The following ARNT2 variants were observed in gnomAD, a reference collection of about 807,000 sequenced individuals.
The protein encoded by ARNT2 is ARNT protein 2.
A neutral mutation model predicts 91.7 loss-of-function variants in ARNT2; 36 were observed. The ratio of observed to expected loss-of-function variants is 0.39; its 90% confidence interval spans 0.30 to 0.52. The LOEUF is 0.52. ARNT2 is among the 20% of genes least tolerant of loss of function. ARNT2 has a pLI of 0.72. For synonymous variants in ARNT2, 365 were observed against 347.1 expected, an observed-to-expected ratio of 1.05 and a Z score of -0.57; for missense variants, 775 against 939.3, an observed-to-expected ratio of 0.83 and a Z score of 2.29.
intron 1 of ARNT2, among the ~76,000 whole-genome samples, chr15:80,450,193 C>A (rs1382670111): frequency 6.6e-6 from 1 of 152,222 alleles, no homozygotes; most frequent in South Asian, 2.1e-4. Flanking sequence ...AGGAAAGGTA[C>A]TCTTATTTAG....
At chr15:80,410,188 G>T (rs1326963423) in intron 1 of ARNT2, among the ~76,000 whole-genome samples, 1 of 152,106 alleles carries the variant, frequency 6.6e-6, no homozygotes, top group East Asian at 1.9e-4. Context: ...GAGAGAGAGG[G>T]AGGTGGATTT....
chr15:80,529,595 A>C (rs1200894146), intron 8 of ARNT2, among the ~76,000 whole-genome samples: 1 of 149,642 alleles, frequency 6.7e-6, no homozygotes, highest in Non-Finnish European at 1.5e-5. Flanking sequence ...AATGTAGTAT[A>C]GGTCAGTTTT....
chr15:80,521,456 A>G (rs1172676438), intron 8 of ARNT2, among the ~76,000 whole-genome samples: 2 of 152,202 alleles, frequency 1.3e-5, no homozygotes, highest in South Asian at 2.1e-4. Context: ...GCAAATACCG[A>G]TAGTGTATTT....
At chr15:80,544,585 G>A (rs1244148412) in intron 8 of ARNT2, among the ~76,000 whole-genome samples, 1 of 152,110 alleles carries the variant, frequency 6.6e-6, no homozygotes, top group Non-Finnish European at 1.5e-5. Context: ...AGTTGCTCTG[G>A]TTATGGGGAA....
At chr15:80,449,419 G>C (rs910634351) in intron 1 of ARNT2, among the ~76,000 whole-genome samples, 3 of 152,170 alleles carry the variant, frequency 2.0e-5, no homozygotes, top group Non-Finnish European at 4.4e-5. Flanking sequence ...GCAGGCAGAT[G>C]ATAAAGTTGT....
At chr15:80,501,768 A>G (rs1897198240) in intron 5 of ARNT2, among the ~76,000 whole-genome samples, 1 of 151,938 alleles carries the variant, frequency 6.6e-6, no homozygotes, top group Admixed American at 6.5e-5. Context: ...ATCTGTACAT[A>G]ACCCTTCAAA....
intron 1 of ARNT2, among the ~76,000 whole-genome samples, chr15:80,447,288 C>CA (rs1320673773): frequency 2.0e-4 from 30 of 152,168 alleles, no homozygotes; most frequent in Admixed American, 1.9e-3. Flanking sequence ...TGTCTGTTGA[C>CA]ACAGACTGCT....
intron 5 of ARNT2, among the ~76,000 whole-genome samples, chr15:80,504,822 G>A (rs373442668): frequency 3.9e-4 from 59 of 152,214 alleles, no homozygotes; most frequent in African/African-American, 1.3e-3. Flanking sequence ...GCTCAGGGAG[G>A]GGAAGTGGCT....
chr15:80,528,815 C>A (rs1265607518), intron 8 of ARNT2, among the ~76,000 whole-genome samples: 1 of 152,182 alleles, frequency 6.6e-6, no homozygotes, highest in Non-Finnish European at 1.5e-5. Context: ...ATACATCCTG[C>A]AGAACTGTGA....
At chr15:80,514,029 A>G in intron 7 of ARNT2, 53 bp downstream of exon 7, 1 of 1,526,500 alleles carries the variant, frequency 6.6e-7, no homozygotes. Flanking sequence ...GATAGTCTAA[A>G]CACCCTAAGC....
At chr15:80,436,766 A>G (rs1217461558) in intron 1 of ARNT2, among the ~76,000 whole-genome samples, 1 of 152,108 alleles carries the variant, frequency 6.6e-6, no homozygotes, top group East Asian at 1.9e-4. Context: ...TCTGCATGCT[A>G]TCTGATTTAG....
intron 1 of ARNT2, chr15:80,442,895 C>T (rs1480103904): frequency 1.9e-5 from 19 of 985,252 alleles, no homozygotes; most frequent in Admixed American, 1.8e-4. Flanking sequence ...GATCTGACGC[C>T]GACACACTAT....
At chr15:80,533,499 A>G (rs1897774369) in intron 8 of ARNT2, among the ~76,000 whole-genome samples, 1 of 152,022 alleles carries the variant, frequency 6.6e-6, no homozygotes, top group Non-Finnish European at 1.5e-5. Context: ...TAGCCCCAAA[A>G]CTGGTTGGGT....
At chr15:80,452,484 C>G (rs1366006876) in intron 2 of ARNT2, among the ~76,000 whole-genome samples, 1 of 152,224 alleles carries the variant, frequency 6.6e-6, no homozygotes, top group Non-Finnish European at 1.5e-5. Context: ...TAACTAGGTG[C>G]TAAACTCAGC....
At chr15:80,570,023 A>T (rs938547836) in intron 12 of ARNT2, among the ~76,000 whole-genome samples, 1 of 152,250 alleles carries the variant, frequency 6.6e-6, no homozygotes, top group African/African-American at 2.4e-5. Context: ...CTGTGGCTCA[A>T]GATGCCCAAG....
At chr15:80,424,704 A>G (rs1895908572) in intron 1 of ARNT2, among the ~76,000 whole-genome samples, 1 of 151,794 alleles carries the variant, frequency 6.6e-6, no homozygotes, top group South Asian at 2.1e-4. Context: ...TTTCCCTTTC[A>G]GTGGTCTGAG....
chr15:80,528,976 C>T (rs1897691610), intron 8 of ARNT2, among the ~76,000 whole-genome samples: 1 of 152,236 alleles, frequency 6.6e-6, no homozygotes, highest in East Asian at 1.9e-4. Context: ...GTTAGTCTGA[C>T]ACCAAGTTGG....
intron 8 of ARNT2, among the ~76,000 whole-genome samples, chr15:80,529,447 C>T (rs1897699848): frequency 6.6e-6 from 1 of 151,976 alleles, no homozygotes; most frequent in Admixed American, 6.6e-5. Flanking sequence ...TCAGCATTAG[C>T]TTTGTAGAGA....
intron 3 of ARNT2, among the ~76,000 whole-genome samples, chr15:80,459,491 T>C (rs540816313): frequency 1.3e-5 from 2 of 152,288 alleles, no homozygotes; most frequent in African/African-American, 4.8e-5. Context: ...CGTGTCAAAA[T>C]TCCCCTTGAG....
Sources: gnomAD v4.1 joint callset for allele counts (sites outside exome capture counted in the v4.1 genomes callset) on GRCh38, gnomAD v4.1.1 for gene constraint, MANE v1.5 for transcripts, NCBI Gene and HGNC (gene_info 2026-07-23, HGNC 2026-07-21) for gene names.